The following OSR1 variants were observed in gnomAD, a reference collection of about 807,000 sequenced individuals.
OSR1 encodes odd-skipped related transcription factor 1, also known as protein odd-skipped-related 1.
In OSR1, 3 loss-of-function variants were observed where a neutral mutation model predicts 15.7. That is an observed-to-expected ratio of 0.19 (90% CI 0.09 to 0.50). OSR1 has a LOEUF of 0.50. Among genes scored for constraint, OSR1 ranks in the 20% least tolerant of loss-of-function variants. The pLI is 0.97. For synonymous variants in OSR1, 166 were observed against 152.7 expected (o/e 1.09, Z -0.64); for missense variants, 271 against 351.1 (o/e 0.77, Z 1.82).
chr2:19,352,848 G>A (rs1664867718), intron 2 of OSR1, among the ~76,000 whole-genome samples: 1 of 152,312 alleles, frequency 6.6e-6, no homozygotes, highest in Middle Eastern at 3.4e-3. Context: ...ACTGTCACAT[G>A]TGTCACATGT....
chr2:19,357,098 C>A lies in OSR1; in HGVS notation c.-33+1243G>T, dbSNP rs1351262706. ...CATTCTCCCAACAAACGAGATCTAA[C>A]GAACCCATTGGCAAGGCGGTCATCC... On this transcript the variant is annotated intron_variant, in intron 1 of 2. Coordinates refer to ENST00000272223, the MANE Select transcript of OSR1 (RefSeq NM_145260.3). This position sits in a 1 kb window ranked among gnomAD's most constrained non-coding sequence, Gnocchi z 5.0. Among the ~76,000 whole-genome samples, 1 of 152,154 alleles carries A rather than the reference C, an allele frequency of 6.6e-6. No homozygotes were observed. The highest frequency in any genetic ancestry group is 1.5e-5 in the Non-Finnish European group (1 of 68,032).
rs1007413139 is a variant in OSR1 at position 19,352,201 on chromosome 2, C to T, written c.*74G>A. 1.5e-5 allele frequency: 23 copies of T among 1,527,082 alleles called. No individual in the cohort carries two copies. Among genetic ancestry groups the T allele is most frequent in the Non-Finnish European group, 2.0e-5 (22 of 1,121,632 alleles). 94.6% of individuals were successfully genotyped at this position (1,527,082 alleles called of 1,614,324 possible). On this transcript the variant is annotated 3_prime_UTR_variant, in exon 3 of 3. Coordinates refer to ENST00000272223, the MANE Select transcript of OSR1 (RefSeq NM_145260.3). ...GAGCGAGCGCCTCTCCCGCTGCCCG[C>T]CAGAGTCAGGCTTCTGGTCCCTATG...
chr2:19,358,518 G>C lies in OSR1; in HGVS notation c.-210C>G, dbSNP rs1350402771. The C allele has an allele frequency of 6.6e-6, 1 of 152,318 alleles. No individual in the cohort carries two copies. The highest frequency in any genetic ancestry group is 2.4e-5 in the African/African-American group (1 of 41,462). The allele number at this position is 152,318 out of a possible 1,614,324, so 9.4% of individuals were successfully genotyped here. A position where few individuals can be genotyped will look rare whatever the true frequency, so the allele number is the denominator to read the frequency against. On this transcript the variant is annotated 5_prime_UTR_variant, in exon 1 of 3. The change creates a new upstream start codon in the 5' untranslated region. Coordinates refer to ENST00000272223, the MANE Select transcript of OSR1 (RefSeq NM_145260.3). ...CGGGAGCGAGCGCTCAGCAGCCCCG[G>C]ATCCTGCACGCCGGGGACGGTGAGC...
At chr2:19,350,568 G>A (rs1249936898), downstream of OSR1, among the ~76,000 whole-genome samples, 5 of 152,296 alleles carry the variant, frequency 3.3e-5, no homozygotes, top group East Asian at 7.8e-4. Context: ...GCCGCGCTCC[G>A]GGCGCTGAAG....
At chr2:19,351,249 G>A (rs993529142), downstream of OSR1, among the ~76,000 whole-genome samples, 5 of 152,148 alleles carry the variant, frequency 3.3e-5, no homozygotes, top group Admixed American at 2.6e-4. Context: ...GGAGTGGGAA[G>A]GCTGAGACCC....
Position 19,357,639 on chromosome 2 carries a change from T to C in OSR1, c.-33+702A>G, listed in dbSNP as rs1312647624. ...ACTAGTGCTGTGTGTGGGTCTCGAATTGGAAAGCAGTGCTTGCGCCCACTG... is the reference window on the plus strand; with the variant it reads ...ACTAGTGCTGTGTGTGGGTCTCGAACTGGAAAGCAGTGCTTGCGCCCACTG... On this transcript the variant is annotated intron_variant, in intron 1 of 2. Coordinates refer to ENST00000272223, the MANE Select transcript of OSR1 (RefSeq NM_145260.3). This position sits in a 1 kb window ranked among gnomAD's most constrained non-coding sequence, Gnocchi z 5.0. The C allele has an allele frequency of 6.6e-6, 1 of 151,628 alleles. No individual in the cohort carries two copies. Among genetic ancestry groups the C allele is most frequent in the Non-Finnish European group, 1.5e-5 (1 of 67,902 alleles). 9.4% of individuals were successfully genotyped at this position (151,628 alleles called of 1,614,324 possible).
chr2:19,353,787 G>T lies in OSR1; in HGVS notation c.19C>A (p.Pro7Thr), dbSNP rs951855533. The change falls in exon 2 of 3, where the codon CCG becomes ACG. Residue 7 changes from proline (P) to threonine (T), a missense_variant. Pro to Thr is a conservative substitution (Grantham distance 38). Coordinates refer to ENST00000272223, the MANE Select transcript of OSR1 (RefSeq NM_145260.3). ...GAAGGGTGGATAGGCACCGGCGCCGGCAAGGTTTTGCTGCCCATTTCGGTA... is the reference window on the plus strand; with the variant it reads ...GAAGGGTGGATAGGCACCGGCGCCGTCAAGGTTTTGCTGCCCATTTCGGTA... MGSKTL[P>T]APVPIHPSLQ... is the part of the protein sequence containing the mutation. The T allele has an allele frequency of 1.2e-6, 2 of 1,610,868 alleles. No homozygotes were observed. The highest frequency in any genetic ancestry group is 8.5e-7 in the Non-Finnish European group (1 of 1,178,000).
chr2:19,349,546 T>G (rs924369897), downstream of OSR1, among the ~76,000 whole-genome samples: 5 of 152,224 alleles, frequency 3.3e-5, no homozygotes, highest in African/African-American at 1.2e-4. Context: ...GTTGCAGACC[T>G]TGGACTGGGT....
downstream of OSR1, among the ~76,000 whole-genome samples, chr2:19,347,628 G>GA: frequency 6.6e-6 from 1 of 152,386 alleles, no homozygotes; most frequent in South Asian, 2.1e-4. Flanking sequence ...AGGAAGTCGG[G>GA]ATGAACGGGT....
chr2:19,358,280 G>C (rs1180403741), intron 1 of OSR1, 61 bp downstream of exon 1: 1 of 152,546 alleles, frequency 6.6e-6, no homozygotes, highest in South Asian at 2.1e-4. Flanking sequence ...CAGTGACAAG[G>C]AACCTGGGAG....
At chr2:19,353,988 C>T (rs1664897556) in intron 1 of OSR1, 151 bp from the exon 2 acceptor site, 2 of 645,422 alleles carry the variant, frequency 3.1e-6, no homozygotes, top group East Asian at 2.8e-5. Flanking sequence ...AAACCCACTG[C>T]CCTCACAAAG....
chr2:19,348,961 C>CCA (rs547248186), downstream of OSR1, among the ~76,000 whole-genome samples: 33 of 152,350 alleles, frequency 2.2e-4, no homozygotes, highest in African/African-American at 6.7e-4. Flanking sequence ...CAGCTGAACT[C>CCA]CACCTGGCCA....
At position 19,353,528 on chromosome 2, in the gene OSR1, G is replaced by A. The variant is rs779415526; in HGVS notation, c.278C>T (p.Pro93Leu). The A allele has an allele frequency of 6.2e-7, 1 of 1,614,098 alleles. No individual in the cohort carries two copies. The highest frequency in any genetic ancestry group is 1.3e-5 in the African/African-American group (1 of 74,948). ...RFQLPAFPWF[P>L]HVIQPKPEIT... ...CTCGGGCTTGGGTTGAATGACATGA[G>A]GGAACCAGGGAAAGGCGGGCAGCTG... Residue 93 changes from proline to leucine, a missense_variant, in exon 2 of 3, where the codon CCT (proline) becomes CTT (leucine). This residue lies in a region of OSR1 where 210 missense variants were observed against 218.4 expected (regional missense o/e 0.96). Coordinates refer to ENST00000272223, the MANE Select transcript of OSR1 (RefSeq NM_145260.3).
rs1664851573 is a variant in OSR1 at position 19,352,085 on chromosome 2, G to A, written c.*190C>T. The stretch of plus-strand genomic sequence containing the variant: ...TTAGCCGCGTCCTAGGGGAGCAGCA[G>A]GGACGGTCGGGGTCGCGGCCCCGGG... On this transcript the variant is annotated 3_prime_UTR_variant, in exon 3 of 3. Transcript: ENST00000272223. The A allele has an allele frequency of 3.7e-6, 2 of 547,478 alleles. No individual in the cohort carries two copies. Among genetic ancestry groups the A allele is most frequent in the Non-Finnish European group, 6.3e-6 (2 of 319,530 alleles). The allele number at this position is 547,478 out of a possible 1,614,324, so 33.9% of individuals were successfully genotyped here.
At position 19,353,459 on chromosome 2, in the gene OSR1, C is replaced by T. The variant is rs776229107; in HGVS notation, c.347G>A (p.Arg116His). ...CAAGGCCAGGTTGGCAAAATCAAAG[C>T]GCGGCTTGGTCTTGAGCGCTGGAAC... ...GSVPALKTKP[R>H]FDFANLALAA... is the part of the protein sequence containing the mutation. Residue 116 changes from arginine (R) to histidine (H), a missense_variant, in exon 2 of 3, where the codon CGC (arginine) becomes CAC (histidine). By Grantham distance (29) the Arg-to-His change is conservative. This residue lies in a region of OSR1 where 210 missense variants were observed against 218.4 expected (regional missense o/e 0.96). Coordinates refer to ENST00000272223, the MANE Select transcript of OSR1 (RefSeq NM_145260.3). 6.2e-7 allele frequency: 1 copy of T among 1,613,992 alleles called. No individual in the cohort carries two copies. Among genetic ancestry groups the T allele is most frequent in the Non-Finnish European group, 8.5e-7 (1 of 1,179,852 alleles).
At chr2:19,352,496 G>A in intron 2 of OSR1, 86 bp from the exon 3 acceptor site, 1 of 1,483,330 alleles carries the variant, frequency 6.7e-7, no homozygotes, top group Non-Finnish European at 9.3e-7. Flanking sequence ...CTGCTGTGGG[G>A]CACTTGCCCT....
chr2:19,353,383 G>T lies in OSR1; in HGVS notation c.423C>A (p.Gly141=). 1 of 1,614,182 alleles carries T rather than the reference G, an allele frequency of 6.2e-7. No individual in the cohort carries two copies. Among genetic ancestry groups the T allele is most frequent in the African/African-American group, 1.3e-5 (1 of 75,074 alleles). The change falls in exon 2 of 3, where the codon GGC becomes GGA. Residue 141 remains glycine (G), a synonymous_variant. Transcript: ENST00000272223. ...PAKLGRGEGP[G]SPAGGLGALL... is the part of the protein sequence containing the mutation. ...GGGCACCCAGCCCACCTGCAGGGGA[G>T]CCTGGGCCCTCCCCGCGACCGAGCT...
chr2:19,352,763 T>C (rs1024496030), intron 2 of OSR1, among the ~76,000 whole-genome samples: 4 of 152,212 alleles, frequency 2.6e-5, no homozygotes, highest in Admixed American at 1.3e-4. Context: ...GCCGCTAGCA[T>C]GTGTGCTTAT....
At chr2:19,347,775 C>T (rs1664756862), downstream of OSR1, among the ~76,000 whole-genome samples, 1 of 152,242 alleles carries the variant, frequency 6.6e-6, no homozygotes, top group Non-Finnish European at 1.5e-5. Flanking sequence ...CTCGCCAGCT[C>T]AGATCCCAGG....
Sources: allele counts gnomAD v4.1 joint callset (sites outside exome capture counted in the v4.1 genomes callset), GRCh38; gene constraint gnomAD v4.1.1; regional missense constraint gnomAD v4.1.1; non-coding constraint Gnocchi (gnomAD v3.1); transcripts MANE v1.5; gene names NCBI Gene and HGNC (gene_info 2026-07-23, HGNC 2026-07-21).